PRB4: variants seen among roughly 807,000 people sequenced by gnomAD.
The protein encoded by PRB4 is proline rich protein BstNI subfamily 4, also known as basic salivary proline-rich protein 4.
In PRB4, 14 loss-of-function variants were observed where a neutral mutation model predicts 9.1. That is an observed-to-expected ratio of 1.54 (90% CI 1.02 to 2.41). The LOEUF (loss-of-function observed/expected upper bound fraction) is 2.41, where lower values mean the gene tolerates loss of function less well. PRB4 is among the 30% of genes most tolerant of loss of function. The pLI is 0.00. For missense variants in PRB4, 381 were observed against 299.3 expected, an observed-to-expected ratio of 1.27 and a Z score of -2.02; for synonymous variants, 102 against 108.5, an observed-to-expected ratio of 0.94 and a Z score of 0.37.
intron 1 of PRB4, among the ~76,000 whole-genome samples, 197 bp from the exon 2 acceptor site, chr12:11,309,602 C>T (rs1245259913): frequency 6.6e-6 from 1 of 152,176 alleles, no homozygotes; most frequent in African/African-American, 2.4e-5. Flanking sequence ...AGAGCAACAG[C>T]AATGAGTTCA....
intron 2 of PRB4, 45 bp downstream of exon 2, chr12:11,309,325 C>T: frequency 1.2e-6 from 2 of 1,613,712 alleles, no homozygotes; most frequent in Non-Finnish European, 1.7e-6. Context: ...CATTTGTAAG[C>T]AGAAAAAGGG....
rs898677911 is a variant in PRB4, at chr12:11,309,556, T to A, written c.65-151A>T. 129 of 1,473,726 alleles carry A rather than the reference T, an allele frequency of 8.8e-5. 1 individual carries two copies. The highest frequency in any genetic ancestry group is 1.4e-4 in the Admixed American group (8 of 57,046). 91.3% of individuals were successfully genotyped at this position (1,473,726 alleles called of 1,614,324 possible). The stretch of plus-strand genomic sequence containing the variant: ...CCATCTGTGAAGGTGCTGGAAGGGG[T>A]GGAAGGTGTAAGAGGAGGCAGGGTT... On this transcript the variant is annotated intron_variant, in intron 1 of 3. Coordinates refer to ENST00000279575, the MANE Select transcript of PRB4 (RefSeq NM_002723.6).
chr12:11,310,105 C>A (rs908666488), intron 1 of PRB4, among the ~76,000 whole-genome samples: 1 of 152,208 alleles, frequency 6.6e-6, no homozygotes, highest in Non-Finnish European at 1.5e-5. Context: ...TCTATAAATT[C>A]AAATCTTACC....
chr12:11,308,841 G>A lies in PRB4; in HGVS notation c.142C>T (p.Gln48Ter), dbSNP rs1862986263. ...TTTCCTGGAGGAGGTGGGGGACGTT[G>A]GGGCTGGTTTCCTCCTTGTGGGCGT... ...GRRPQGGNQP[Q>*]RPPPPPGKPQ... Residue 48 changes from glutamine (Q) to a stop codon, truncating the protein, a stop_gained, in exon 3 of 4, where the codon CAA becomes TAA. Transcript: ENST00000279575. LOFTEE classifies it high-confidence loss of function. 3.1e-6 allele frequency: 5 copies of A among 1,589,636 alleles called. No individual in the cohort carries two copies. In the Admixed American group the frequency reaches 5.2e-5, roughly 17 times the overall value.
intron 1 of PRB4, among the ~76,000 whole-genome samples, chr12:11,310,013 G>A (rs569980832): frequency 1.9e-4 from 29 of 152,290 alleles, no homozygotes; most frequent in Non-Finnish European, 1.6e-4. Flanking sequence ...TACTTACTGG[G>A]ATCAGTATAG....
intron 1 of PRB4, 38 bp from the exon 2 acceptor site, chr12:11,309,443 C>T (rs767393691): frequency 1.2e-6 from 2 of 1,614,018 alleles, no homozygotes; most frequent in East Asian, 2.2e-5. Flanking sequence ...AATGTTACAT[C>T]TCAAATCTTC....
intron 1 of PRB4, 117 bp from the exon 2 acceptor site, chr12:11,309,522 C>T: frequency 6.3e-7 from 1 of 1,579,682 alleles, no homozygotes; most frequent in Non-Finnish European, 8.7e-7. Flanking sequence ...TAGGTTAACT[C>T]ATCAGCCACC....
intron 1 of PRB4, 109 bp from the exon 2 acceptor site, chr12:11,309,514 G>T: frequency 6.3e-7 from 1 of 1,597,008 alleles, no homozygotes; most frequent in African/African-American, 1.3e-5. Context: ...GCATCCCCTA[G>T]GTTAACTCAT....
chr12:11,308,359 T>G lies in PRB4; in HGVS notation c.624A>C (p.Pro208=). The stretch of plus-strand genomic sequence containing the variant: ...GAGGCTGCTGGGGATTGCCTCCTGC[T>G]GGGGGTGGGCCTTGTGGCTTTCCAG... The part of the protein sequence containing the change: ...PPPGKPQGPP[P]AGGNPQQPQA... The change falls in exon 3 of 4, where the codon CCA becomes CCC. Residue 208 remains proline, a synonymous_variant. Coordinates refer to ENST00000279575, the MANE Select transcript of PRB4 (RefSeq NM_002723.6). 6.2e-7 allele frequency: 1 copy of G among 1,600,458 alleles called. No individual in the cohort carries two copies. Among genetic ancestry groups the G allele is most frequent in the Non-Finnish European group, 8.5e-7 (1 of 1,169,712 alleles).
rs1196333610 is a variant in PRB4, at chr12:11,310,378, T to C, written c.21A>G (p.Ser7=). MLLILL[S]VALLALSSAE... is the part of the protein sequence containing the mutation. ...CTGAGCTCAGGGCCAGCAGGGCCAC[T>C]GACAGCAGAATCAGCAGCATCTCGC... Residue 7 remains serine (S), a synonymous_variant, in exon 1 of 4, where the codon TCA becomes TCG. Coordinates refer to ENST00000279575, the MANE Select transcript of PRB4 (RefSeq NM_002723.6). 11 of 1,614,238 alleles carry C rather than the reference T, an allele frequency of 6.8e-6. No homozygotes were observed. The highest frequency in any genetic ancestry group is 2.2e-5 in the East Asian group (1 of 44,888).
chr12:11,309,004 G>A (rs1862991767), intron 2 of PRB4, 122 bp from the exon 3 acceptor site: 5 of 1,427,748 alleles, frequency 3.5e-6, no homozygotes, highest in Middle Eastern at 2.0e-4. Context: ...TGCATTTTCA[G>A]TGAAGCCCTA....
rs764973392 is a variant in PRB4 at position 11,308,333 on chromosome 12, T to A, written c.650A>T (p.Gln217Leu). 2.6e-5 allele frequency: 42 copies of A among 1,608,976 alleles called. No homozygotes were observed. Among genetic ancestry groups the A allele is most frequent in the Non-Finnish European group, 3.5e-5 (41 of 1,176,600 alleles). ...CTGGGGCTTTCCAGCAGGAGGTGCC[T>A]GAGGCTGCTGGGGATTGCCTCCTGC... ...PPAGGNPQQP[Q>L]APPAGKPQGP... is the part of the protein sequence containing the mutation. The change falls in exon 3 of 4, where the codon CAG becomes CTG. Residue 217 changes from glutamine to leucine, a missense_variant. By Grantham distance (113) the Gln-to-Leu change is moderately radical. Around this residue, in one of 3 missense-constraint regions of PRB4, gnomAD observed 204 missense variants for 134.4 expected, o/e 1.52. Coordinates refer to ENST00000279575, the MANE Select transcript of PRB4 (RefSeq NM_002723.6).
intron 1 of PRB4, among the ~76,000 whole-genome samples, chr12:11,309,753 C>T (rs898646863): frequency 1.3e-5 from 2 of 152,200 alleles, no homozygotes; most frequent in Non-Finnish European, 2.9e-5. Flanking sequence ...CATACATACA[C>T]ATGTTTTCTC....
At chr12:11,308,915 G>A in intron 2 of PRB4, 33 bp from the exon 3 acceptor site, 7 of 1,613,218 alleles carry the variant, frequency 4.3e-6, no homozygotes, top group Non-Finnish European at 5.9e-6. Flanking sequence ...GGCATTCACT[G>A]AATAGTTGCC....
rs753718368 is a variant in PRB4, at chr12:11,308,830, T to A, written c.153A>T (p.Pro51=). The change falls in exon 3 of 4, where the codon CCA becomes CCT. Residue 51 remains proline (P), a synonymous_variant. Coordinates refer to ENST00000279575, the MANE Select transcript of PRB4 (RefSeq NM_002723.6). ...PQGGNQPQRP[P]PPPGKPQGPP... is the part of the protein sequence containing the mutation. ...GTCCTTGTGGCTTTCCTGGAGGAGG[T>A]GGGGGACGTTGGGGCTGGTTTCCTC... 192 of 1,588,906 alleles carry A rather than the reference T, an allele frequency of 1.2e-4. 1 individual carries two copies. Among genetic ancestry groups the A allele is most frequent in the Non-Finnish European group, 1.6e-4 (182 of 1,166,290 alleles).
Position 11,308,243 on chromosome 12 carries a change from T to G in PRB4, c.740A>C (p.Gln247Pro). 6.2e-7 allele frequency: 1 copy of G among 1,610,540 alleles called. No individual in the cohort carries two copies. Among genetic ancestry groups the G allele is most frequent in the African/African-American group, 1.3e-5 (1 of 74,950 alleles). ...PRPAQGQQPP[Q>P] ...TACCTGTCATTGAATCCTAGATTACTGGGGAGGCTGTTGTCCCTGGGCAGG... is the reference window on the plus strand; with the variant it reads ...TACCTGTCATTGAATCCTAGATTACGGGGGAGGCTGTTGTCCCTGGGCAGG... Residue 247 changes from glutamine to proline, a missense_variant, in exon 3 of 4, where the codon CAG (glutamine) becomes CCG (proline). Transcript: ENST00000279575.
intron 1 of PRB4, 83 bp downstream of exon 1, chr12:11,310,252 C>T: frequency 6.4e-7 from 1 of 1,567,352 alleles, no homozygotes; most frequent in Non-Finnish European, 8.8e-7. Flanking sequence ...TCTGTGTTTT[C>T]ATTCTCCTCT....
At chr12:11,308,148 T>A (rs1862952710) in intron 3 of PRB4, 73 bp downstream of exon 3, 3 of 1,500,590 alleles carry the variant, frequency 2.0e-6, no homozygotes, top group Non-Finnish European at 2.7e-6. Flanking sequence ...GGGTTTTAGT[T>A]GATTCATTGG....
intron 1 of PRB4, 22 bp downstream of exon 1, chr12:11,310,313 T>C: frequency 6.2e-7 from 1 of 1,614,142 alleles, no homozygotes; most frequent in East Asian, 2.2e-5. Context: ...AGTCACCGCA[T>C]CTTTTCCCCC....
Sources: allele counts gnomAD v4.1 joint callset (sites outside exome capture counted in the v4.1 genomes callset), GRCh38; gene constraint gnomAD v4.1.1; regional missense constraint gnomAD v4.1.1; transcripts MANE v1.5; gene names NCBI Gene and HGNC (gene_info 2026-07-23, HGNC 2026-07-21).